SLC39A6: variants seen among roughly 807,000 people sequenced by gnomAD.
SLC39A6 encodes the protein zinc transporter ZIP6.
SLC39A6 carries 51 observed loss-of-function variants against 63.5 expected under a neutral mutation model. The ratio of observed to expected loss-of-function variants is 0.80; its 90% CI spans 0.64 to 1.01. The LOEUF (loss-of-function observed/expected upper bound fraction) is 1.01, where lower values mean the gene tolerates loss of function less well. Ranked by LOEUF, SLC39A6 falls within the 50% of genes least tolerant of loss-of-function variation. The probability of loss-of-function intolerance (pLI) is 0.00; values close to 1 mark genes in which losing one functional copy is unlikely to be tolerated. For synonymous variants in SLC39A6, 318 were observed against 324.7 expected (o/e 0.98, Z 0.22); for missense variants, 805 against 927.8 (o/e 0.87, Z 1.72).
chr18:36,126,468 G>A lies in SLC39A6; in HGVS notation c.540C>T (p.Asp180=). ...EHASGRRNVK[D]SVSASEVTST... The stretch of plus-strand genomic sequence containing the variant: ...AGGTCACTTCACTAGCACTAACACT[G>A]TCCTTGACATTCCTTCTACCACTGG... Residue 180 remains aspartate, a synonymous_variant, in exon 2 of 10, where the codon GAC becomes GAT. Transcript: ENST00000269187. The A allele has an allele frequency of 6.2e-7, 1 of 1,614,212 alleles. No individual in the cohort carries two copies. Among genetic ancestry groups the A allele is most frequent in the Non-Finnish European group, 8.5e-7 (1 of 1,180,036 alleles).
chr18:36,109,880 C>T, intron 9 of SLC39A6, 135 bp from the exon 10 acceptor site: 1 of 651,676 alleles, frequency 1.5e-6, no homozygotes, highest in Non-Finnish European at 2.7e-6. Context: ...TTCCTTAAAA[C>T]ATGATTACAT....
Position 36,114,373 on chromosome 18 carries a change from G to T in SLC39A6, c.1567C>A (p.His523Asn), listed in dbSNP as rs960973381. ...EEEEVMIAHA[H>N]PQEVYNEYVP... ...TATTCATTGTAGACTTCCTGTGGAT[G>T]AGCATGAGCTATCATGACCTCTTCT... Residue 523 changes from histidine to asparagine, a missense_variant, in exon 7 of 10, where the codon CAT (histidine) becomes AAT (asparagine). His to Asn is a moderately conservative substitution (Grantham distance 68, BLOSUM62 1). Transcript: ENST00000269187. The T allele has an allele frequency of 6.2e-7, 1 of 1,614,188 alleles. No individual in the cohort carries two copies. The highest frequency in any genetic ancestry group is 1.1e-5 in the South Asian group (1 of 91,082).
At chr18:36,124,441 A>T in intron 3 of SLC39A6, 79 bp downstream of exon 3, 1 of 874,958 alleles carries the variant, frequency 1.1e-6, no homozygotes, top group Non-Finnish European at 1.7e-6. Flanking sequence ...GAAAACAAAT[A>T]GGCTGATGCA....
At chr18:36,109,841 T>A in intron 9 of SLC39A6, 96 bp from the exon 10 acceptor site, 1 of 893,500 alleles carries the variant, frequency 1.1e-6, no homozygotes, top group East Asian at 2.4e-5. Context: ...ATACTAGCTT[T>A]ATTTGTAGCT....
chr18:36,111,961 T>TA (rs2144497598), intron 8 of SLC39A6, among the ~76,000 whole-genome samples: 1 of 152,110 alleles, frequency 6.6e-6, no homozygotes, highest in African/African-American at 2.4e-5. Flanking sequence ...TGGTAATGCA[T>TA]AAAAAACAGC....
Position 36,126,602 on chromosome 18 carries a change from C to A in SLC39A6, c.406G>T (p.Ala136Ser), listed in dbSNP as rs772143372. The A allele has an allele frequency of 4.3e-6, 7 of 1,613,924 alleles. No homozygotes were observed. In the South Asian group the frequency reaches 7.7e-5, roughly 18 times the overall value. ...HDHHSHHNHA[A>S]SGKNKRKALC... Reference sequence around the variant, plus strand: ...GCTTTTCGCTTATTTTTACCAGAAGCAGCATGATTATGGTGAGAGTGATGA... The same window carrying A: ...GCTTTTCGCTTATTTTTACCAGAAGAAGCATGATTATGGTGAGAGTGATGA... Residue 136 changes from alanine (A) to serine (S), a missense_variant, in exon 2 of 10, where the codon GCT becomes TCT. Physicochemically the swap from Ala to Ser is moderately conservative, Grantham distance 99 (BLOSUM62 1). Transcript: ENST00000269187.
chr18:36,126,076 T>G, intron 2 of SLC39A6, 143 bp downstream of exon 2: 4 of 805,604 alleles, frequency 5.0e-6, no homozygotes, highest in Non-Finnish European at 8.0e-6. Context: ...TTGTGGCAAG[T>G]GCCTTGCTGA....
At chr18:36,112,445 A>T in intron 8 of SLC39A6, 56 bp downstream of exon 8, 1 of 1,290,548 alleles carries the variant, frequency 7.7e-7, no homozygotes, top group Non-Finnish European at 1.1e-6. Flanking sequence ...AGCAAAAGCC[A>T]GTGACACTAG....
chr18:36,116,636 A>C, intron 6 of SLC39A6, 38 bp downstream of exon 6: 49 of 1,236,260 alleles, frequency 4.0e-5, no homozygotes, highest in Non-Finnish European at 5.0e-5. Context: ...ACAGCAATGA[A>C]CTCCCTCCAG....
chr18:36,125,078 A>G (rs1180299285), intron 2 of SLC39A6, among the ~76,000 whole-genome samples: 3 of 152,230 alleles, frequency 2.0e-5, no homozygotes, highest in Non-Finnish European at 4.4e-5. Flanking sequence ...TTGCTTCAGT[A>G]CTAACGCTAT....
At chr18:36,115,441 CAAA>C (rs78156263) in intron 6 of SLC39A6, among the ~76,000 whole-genome samples, 3 of 100,342 alleles carry the variant, frequency 3.0e-5, no homozygotes, top group Admixed American at 1.1e-4. Context: ...GACTCCGTCT[CAAA>C]AAAAAAAAAA....
In SLC39A6 at chr18:36,114,433, G is replaced by A. The variant is rs1026561049; in HGVS notation, c.1507C>T (p.His503Tyr). ...ACTGCAGGCTGCTGAGAATCAAAGT[G>A]GGAGGGCTCTTGTGAGTCTGCTCGT... ...YLRADSQEPS[H>Y]FDSQQPAVLE... Residue 503 changes from histidine to tyrosine, a missense_variant, in exon 7 of 10, where the codon CAC becomes TAC. By Grantham distance (83) the His-to-Tyr change is moderately conservative. Around this residue, in one of 4 missense-constraint regions of SLC39A6, gnomAD observed 639 missense variants for 644.0 expected, o/e 0.99. Transcript: ENST00000269187. 1.2e-6 allele frequency: 2 copies of A among 1,613,912 alleles called. No homozygotes were observed. Among genetic ancestry groups the A allele is most frequent in the Non-Finnish European group, 1.7e-6 (2 of 1,180,004 alleles).
intron 8 of SLC39A6, 44 bp from the exon 9 acceptor site, chr18:36,111,293 C>A: frequency 6.3e-7 from 1 of 1,585,638 alleles, no homozygotes; most frequent in South Asian, 1.1e-5. Context: ...ATTGAGAAAT[C>A]ATTTTTAAGA....
intron 5 of SLC39A6, among the ~76,000 whole-genome samples, chr18:36,119,894 T>A (rs1449603976): frequency 6.6e-6 from 1 of 151,096 alleles, no homozygotes; most frequent in Non-Finnish European, 1.5e-5. Flanking sequence ...AAAAAGATAC[T>A]GTTTTCTTAA....
Position 36,109,497 on chromosome 18 carries a change from C to T in SLC39A6, c.*96G>A. The T allele has an allele frequency of 1.1e-5, 10 of 924,576 alleles. No individual in the cohort carries two copies. Among genetic ancestry groups the T allele is most frequent in the Non-Finnish European group, 1.6e-5 (10 of 626,444 alleles). The allele number at this position is 924,576 out of a possible 1,614,324, so 57.3% of individuals were successfully genotyped here. A position where few individuals can be genotyped will look rare whatever the true frequency, so the allele number is the denominator to read the frequency against. ...ATACAAAAATCACAAAACCCACTAA[C>T]TTTAAACGCTGCATAGTACAGCATA... On this transcript the variant is annotated 3_prime_UTR_variant, in exon 10 of 10. Coordinates refer to ENST00000269187, the MANE Select transcript of SLC39A6 (RefSeq NM_012319.4).
chr18:36,111,282 C>A (rs1179407628), intron 8 of SLC39A6, 33 bp from the exon 9 acceptor site: 3 of 1,597,904 alleles, frequency 1.9e-6, no homozygotes, highest in South Asian at 2.3e-5. Flanking sequence ...AGGAAAAAGT[C>A]ATTGAGAAAT....
At chr18:36,120,782 C>T (rs1567959625) in intron 5 of SLC39A6, among the ~76,000 whole-genome samples, 4 of 152,114 alleles carry the variant, frequency 2.6e-5, no homozygotes, top group African/African-American at 9.7e-5. Context: ...CGTGAGCCAC[C>T]GTGCCTGGTA....
intron 9 of SLC39A6, 84 bp downstream of exon 9, chr18:36,110,973 AAG>A (rs2089295121): frequency 6.5e-7 from 1 of 1,547,548 alleles, no homozygotes; most frequent in East Asian, 2.3e-5. Flanking sequence ...CTCCCCCAAA[AAG>A]AGAGAAAAAA....
At chr18:36,121,391 A>G (rs2089392832) in intron 5 of SLC39A6, among the ~76,000 whole-genome samples, 1 of 152,160 alleles carries the variant, frequency 6.6e-6, no homozygotes, top group South Asian at 2.1e-4. Context: ...TCCTGGCCTT[A>G]AGTGATCTGC....
Sources: allele counts gnomAD v4.1 joint callset (sites outside exome capture counted in the v4.1 genomes callset), GRCh38; gene constraint gnomAD v4.1.1; regional missense constraint gnomAD v4.1.1; transcripts MANE v1.5; gene names NCBI Gene and HGNC (gene_info 2026-07-23, HGNC 2026-07-21).